The following ITPK1 variants were observed in gnomAD, a reference collection of about 807,000 sequenced individuals.
The protein encoded by ITPK1 is inositol 1,3,4-trisphosphate 5/6-kinase.
A neutral mutation model predicts 45.3 loss-of-function variants in ITPK1; 21 were observed. The observed-to-expected ratio is 0.46, with a 90% CI of 0.33 to 0.67. The LOEUF is 0.67. ITPK1 is among the 30% of genes least tolerant of loss of function. The pLI, the probability that ITPK1 is intolerant of heterozygous loss-of-function variation, is 0.02. For missense variants in ITPK1, 474 were observed against 573.5 expected, an observed-to-expected ratio of 0.83 and a Z score of 1.77; for synonymous variants, 258 against 253.6, an observed-to-expected ratio of 1.02 and a Z score of -0.16.
intron 2 of ITPK1, among the ~76,000 whole-genome samples, chr14:93,089,053 C>T (rs1161447254): frequency 1.3e-5 from 2 of 152,224 alleles, no homozygotes; most frequent in Non-Finnish European, 2.9e-5. Context: ...GGGGATGAGG[C>T]TCTGGGATTT....
chr14:93,042,555 C>T (rs943676090), intron 3 of ITPK1, among the ~76,000 whole-genome samples: 2 of 152,194 alleles, frequency 1.3e-5, no homozygotes, highest in Non-Finnish European at 2.9e-5. Flanking sequence ...CAGAGCTGGA[C>T]TTAACACGGC....
intron 3 of ITPK1, among the ~76,000 whole-genome samples, chr14:93,021,409 T>C (rs1234071152): frequency 6.6e-6 from 1 of 152,006 alleles, no homozygotes; most frequent in Admixed American, 6.6e-5. Flanking sequence ...CTGGCCAACA[T>C]GGTGAAACCC....
rs575774971 is a variant in ITPK1, at chr14:92,940,066, C to G, written c.*1495G>C. 2.7e-5 allele frequency: 27 copies of G among 985,848 alleles called. No individual in the cohort carries two copies. The South Asian group carries it at 8.5e-4, about 31-fold the overall frequency. 61.1% of individuals were successfully genotyped at this position (985,848 alleles called of 1,614,324 possible). A position where few individuals can be genotyped will look rare whatever the true frequency, so the allele number is the denominator to read the frequency against. Reference sequence around the variant, plus strand: ...GCCGGGCAGTTCTGATGGCCTCTGCCCCTCGCCCAAGCCCTGTGCCTCCCT... The same window carrying G: ...GCCGGGCAGTTCTGATGGCCTCTGCGCCTCGCCCAAGCCCTGTGCCTCCCT... On this transcript the variant is annotated 3_prime_UTR_variant, in exon 11 of 11. Coordinates refer to ENST00000267615, the MANE Select transcript of ITPK1 (RefSeq NM_014216.6).
At position 92,940,511 on chromosome 14, in the gene ITPK1, C is replaced by T; in HGVS notation, c.*1050G>A. 2.6e-6 allele frequency: 3 copies of T among 1,158,580 alleles called. No homozygotes were observed. The highest frequency in any genetic ancestry group is 3.2e-6 in the Non-Finnish European group (3 of 926,820). 71.8% of individuals were successfully genotyped at this position (1,158,580 alleles called of 1,614,324 possible). A position where few individuals can be genotyped will look rare whatever the true frequency, so the allele number is the denominator to read the frequency against. On this transcript the variant is annotated 3_prime_UTR_variant, in exon 11 of 11. Coordinates refer to ENST00000267615, the MANE Select transcript of ITPK1 (RefSeq NM_014216.6). Reference sequence around the variant, plus strand: ...TTGGGGCTTGCAATGAGAGGTGGACCAGGCCTGCTGGGTGAGGAGGGACCC... The same window carrying T: ...TTGGGGCTTGCAATGAGAGGTGGACTAGGCCTGCTGGGTGAGGAGGGACCC...
intron 2 of ITPK1, among the ~76,000 whole-genome samples, chr14:93,087,459 C>T (rs570661547): frequency 2.0e-5 from 3 of 152,236 alleles, no homozygotes; most frequent in Admixed American, 1.3e-4. Context: ...TGCTGCAGTG[C>T]GTTATGATCA....
chr14:93,011,294 G>C (rs1016653708), intron 4 of ITPK1, among the ~76,000 whole-genome samples: 4 of 152,220 alleles, frequency 2.6e-5, no homozygotes, highest in African/African-American at 9.6e-5. Context: ...TGCTGGGTGA[G>C]GGGAGCTGTC....
intron 10 of ITPK1, among the ~76,000 whole-genome samples, chr14:92,945,544 C>T (rs758654845): frequency 6.6e-6 from 1 of 152,236 alleles, no homozygotes; most frequent in Non-Finnish European, 1.5e-5. Flanking sequence ...GGGGGACCCC[C>T]ATCTGGGGAA....
intron 5 of ITPK1, among the ~76,000 whole-genome samples, chr14:92,993,177 G>A (rs556096838): frequency 2.2e-4 from 34 of 152,342 alleles, no homozygotes; most frequent in African/African-American, 7.9e-4. Context: ...AAGCCGGAGG[G>A]CCCAGGCCAA....
At chr14:92,970,157 G>C (rs566146745) in intron 5 of ITPK1, among the ~76,000 whole-genome samples, 1 of 152,372 alleles carries the variant, frequency 6.6e-6, no homozygotes, top group African/African-American at 2.4e-5. Flanking sequence ...GTGGACCCGA[G>C]AGGACAACAG....
rs145907848 is a variant in ITPK1 at position 92,944,581 on chromosome 14, C to A, written c.901+1750G>T. Among the ~76,000 whole-genome samples the A allele has an allele frequency of 2.9e-4, 44 of 152,300 alleles. No individual in the cohort carries two copies. The East Asian group carries it at 5.8e-3, about 20-fold the overall frequency. Reference sequence around the variant, plus strand: ...AGCTTCCCACCCTCTCCTGTCTCCTCCCTCCTTCCAGAACTTCTCTTCTAA... The same window carrying A: ...AGCTTCCCACCCTCTCCTGTCTCCTACCTCCTTCCAGAACTTCTCTTCTAA... On this transcript the variant is annotated intron_variant, in intron 10 of 10. Coordinates refer to ENST00000267615, the MANE Select transcript of ITPK1 (RefSeq NM_014216.6).
At chr14:93,037,855 T>C (rs1297405241) in intron 3 of ITPK1, among the ~76,000 whole-genome samples, 7 of 152,256 alleles carry the variant, frequency 4.6e-5, no homozygotes, top group African/African-American at 1.2e-4. Context: ...AAGAGATGTT[T>C]ATATCTCCAG....
intron 2 of ITPK1, among the ~76,000 whole-genome samples, chr14:93,099,069 T>A (rs1892203527): frequency 6.6e-6 from 1 of 152,156 alleles, no homozygotes; most frequent in African/African-American, 2.4e-5. Context: ...CCTGGGTTTG[T>A]GGCCACCAGC....
chr14:92,974,186 C>A (rs1278229613), intron 5 of ITPK1, among the ~76,000 whole-genome samples: 1 of 152,064 alleles, frequency 6.6e-6, no homozygotes, highest in Non-Finnish European at 1.5e-5. Context: ...AGGGTGGGGC[C>A]CCTGCAGGGG....
chr14:92,981,455 C>T (rs1410882050), intron 5 of ITPK1, among the ~76,000 whole-genome samples: 4 of 152,128 alleles, frequency 2.6e-5, no homozygotes, highest in African/African-American at 7.2e-5. Context: ...ATTTCAGAGC[C>T]GCTCCAAATA....
chr14:93,039,086 C>T (rs1254932195), intron 3 of ITPK1, among the ~76,000 whole-genome samples: 2 of 152,182 alleles, frequency 1.3e-5, no homozygotes, highest in Non-Finnish European at 2.9e-5. Flanking sequence ...CTACAGCGTC[C>T]GCCTGCATAC....
At chr14:92,971,125 T>G (rs1446834134) in intron 5 of ITPK1, among the ~76,000 whole-genome samples, 1 of 152,082 alleles carries the variant, frequency 6.6e-6, no homozygotes, top group Non-Finnish European at 1.5e-5. Flanking sequence ...GCAGCCCCCT[T>G]GCTGTGCCAC....
chr14:93,051,056 T>TGGGCACTCAGAA (rs1889984211), intron 3 of ITPK1, among the ~76,000 whole-genome samples: 1 of 152,124 alleles, frequency 6.6e-6, no homozygotes, highest in Admixed American at 6.5e-5. Flanking sequence ...CCGGCCTGCC[T>TGGGCACTCAGAA]GGGCACTCAG....
chr14:92,967,855 CA>C (rs1488378194), intron 5 of ITPK1, among the ~76,000 whole-genome samples: 1 of 152,128 alleles, frequency 6.6e-6, no homozygotes, highest in Non-Finnish European at 1.5e-5. Flanking sequence ...CCAGAACACG[CA>C]CATCCATGGA....
chr14:92,949,010 G>T (rs1484925939), intron 9 of ITPK1, among the ~76,000 whole-genome samples: 1 of 151,378 alleles, frequency 6.6e-6, no homozygotes, highest in African/African-American at 2.4e-5. Flanking sequence ...TCAAGGCCTT[G>T]GTGTCGTATC....
Sources: allele counts gnomAD v4.1 joint callset (sites outside exome capture counted in the v4.1 genomes callset), GRCh38; gene constraint gnomAD v4.1.1; transcripts MANE v1.5; gene names NCBI Gene and HGNC (gene_info 2026-07-23, HGNC 2026-07-21).